The following ATP11C variants were observed in gnomAD, a reference collection of about 807,000 sequenced individuals.
ATP11C encodes phospholipid-transporting ATPase IG.
Under a neutral mutation model 97.4 loss-of-function variants are expected in ATP11C, and 36 were observed. That is an observed-to-expected ratio of 0.37 (90% confidence interval 0.28 to 0.49). The LOEUF is 0.49. Ranked by LOEUF, ATP11C falls within the 20% of genes least tolerant of loss-of-function variation. The pLI, the probability that ATP11C is intolerant of heterozygous loss-of-function variation, is 0.98. For missense variants in ATP11C, 730 were observed against 824.6 expected (o/e 0.89, Z 1.40); for synonymous variants, 275 against 290.9 (o/e 0.95, Z 0.56).
chrX:139,737,565 C>T (rs2081469135), intron 28 of ATP11C, among the ~76,000 whole-genome samples: 1 of 111,307 alleles, frequency 9.0e-6, no homozygotes, highest in Non-Finnish European at 1.9e-5. Context: ...AGGGAAATTT[C>T]TAAGTTTAAA....
intron 5 of ATP11C, among the ~76,000 whole-genome samples, chrX:139,806,604 G>A (rs769529880): frequency 2.0e-4 from 22 of 111,246 alleles, no homozygotes; most frequent in African/African-American, 6.2e-4. Flanking sequence ...GACTGGGTGT[G>A]AGCTAGTATG....
intron 4 of ATP11C, among the ~76,000 whole-genome samples, chrX:139,815,739 A>C (rs1284408600): frequency 9.0e-6 from 1 of 111,091 alleles, no homozygotes; most frequent in Non-Finnish European, 1.9e-5. Flanking sequence ...CGTTGTAAGA[A>C]TGTCTGTACC....
chrX:139,792,580 G>A (rs1249811672), intron 12 of ATP11C, among the ~76,000 whole-genome samples: 3 of 111,421 alleles, frequency 2.7e-5, no homozygotes, highest in Non-Finnish European at 5.7e-5. Flanking sequence ...CTATCTCCAG[G>A]TAGGCAGTAT....
At chrX:139,795,789 T>C (rs1244843829) in intron 12 of ATP11C, among the ~76,000 whole-genome samples, 3 of 111,732 alleles carry the variant, frequency 2.7e-5, no homozygotes, top group Non-Finnish European at 3.8e-5. Flanking sequence ...TTTCCCTTCA[T>C]TGAAATTCTT....
intron 15 of ATP11C, 21 bp from the exon 16 acceptor site, chrX:139,785,320 G>A: frequency 4.5e-6 from 5 of 1,108,292 alleles, no homozygotes; most frequent in Non-Finnish European, 6.2e-6. Flanking sequence ...AATGAGCAAA[G>A]TAAAAAACCT....
At chrX:139,907,191 A>G (rs911792290) in intron 1 of ATP11C, among the ~76,000 whole-genome samples, 1 of 111,313 alleles carries the variant, frequency 9.0e-6, no homozygotes, top group African/African-American at 3.3e-5. Flanking sequence ...GTCCTCCCAA[A>G]TCTGTTCTTC....
chrX:139,755,889 G>GAT (rs1454223888), intron 23 of ATP11C, among the ~76,000 whole-genome samples: 3 of 112,115 alleles, frequency 2.7e-5, no homozygotes, highest in African/African-American at 9.7e-5. Context: ...GATAACCTAG[G>GAT]ATATACCAGT....
chrX:139,743,597 T>G lies in ATP11C; in HGVS notation c.2992A>C (p.Ile998Leu). The change falls in exon 26 of 30, where the codon ATT becomes CTT. Residue 998 changes from isoleucine to leucine, a missense_variant. Transcript: ENST00000682941. Reference protein sequence around the residue: ...KVYGNWTFGTIVFTVLVFTVT... With the variant: ...KVYGNWTFGTLVFTVLVFTVT... ...GTGAATACTAAGACTGTAAAAACAA[T>G]GGTTCCAAAAGTCCAGTTTCCGTAT... 8.5e-7 allele frequency: 1 copy of G among 1,174,570 alleles called. No individual in the cohort carries two copies.
chrX:139,918,280 T>C (rs2085188336), intron 1 of ATP11C, among the ~76,000 whole-genome samples: 1 of 111,063 alleles, frequency 9.0e-6, no homozygotes, highest in Non-Finnish European at 1.9e-5. Context: ...ATAAACAAAA[T>C]ATATATATAC....
intron 1 of ATP11C, among the ~76,000 whole-genome samples, chrX:139,926,052 C>T (rs1466939596): frequency 2.7e-5 from 3 of 111,896 alleles, no homozygotes; most frequent in Non-Finnish European, 5.6e-5. Flanking sequence ...GCAGTGTTAA[C>T]ATATGCTGCA....
rs72160192 is a variant in ATP11C, at chrX:139,869,619, TAAAAAAAAAAA to T, written c.28-42807_28-42797del. On this transcript the variant is annotated intron_variant, in intron 1 of 29. Transcript: ENST00000682941. ...CAATGTGGCAAAACCCCCTCTCTACTAAAAAAAAAAAAAAAAAAAAAAAAATTAGCTGGGCA... is the reference window on the plus strand; with the variant it reads ...CAATGTGGCAAAACCCCCTCTCTACTAAAAAAAAAAAAAATTAGCTGGGCA... 7.4e-5 allele frequency among the ~76,000 whole-genome samples: 4 copies of T among 54,185 alleles called. No homozygotes were observed. The East Asian group carries it at 2.1e-3, about 28-fold the overall frequency. The allele number at this position is 54,185 out of a possible 115,157, so 47.1% of individuals were successfully genotyped here.
intron 1 of ATP11C, among the ~76,000 whole-genome samples, chrX:139,896,911 A>G (rs2084818886): frequency 9.0e-6 from 1 of 111,033 alleles, no homozygotes; most frequent in Admixed American, 9.7e-5. Context: ...CAAATGTACC[A>G]TTCTAATGTA....
In ATP11C at chrX:139,814,800, TACTAAATGAC is replaced by T. The variant is rs923328858; in HGVS notation, c.426+68_426+77del. On this transcript the variant is annotated intron_variant, in intron 5 of 29. Transcript: ENST00000682941. ...TTAACGGTTGCACAACATTATAAAG[TACTAAATGAC>T]ACTAAATTATACACTTTAAAATGGT... The T allele has an allele frequency of 1.3e-5, 7 of 552,699 alleles. No individual in the cohort carries two copies. In the African/African-American group the frequency reaches 1.7e-4, roughly 13 times the overall value. The allele number at this position is 552,699 out of a possible 1,213,427, so 45.5% of individuals were successfully genotyped here. A position where few individuals can be genotyped will look rare whatever the true frequency, so the allele number is the denominator to read the frequency against.
chrX:139,839,475 T>A (rs1222366857), intron 1 of ATP11C, among the ~76,000 whole-genome samples: 1 of 111,673 alleles, frequency 9.0e-6, no homozygotes, highest in Non-Finnish European at 1.9e-5. Flanking sequence ...CAACCAATAT[T>A]TATTGAGCTC....
chrX:139,796,836 T>A (rs2082807942), intron 11 of ATP11C, among the ~76,000 whole-genome samples: 1 of 111,800 alleles, frequency 8.9e-6, no homozygotes, highest in Non-Finnish European at 1.9e-5. Context: ...TACATTAAAA[T>A]GTCAAAGCAT....
intron 1 of ATP11C, among the ~76,000 whole-genome samples, chrX:139,861,156 A>T (rs2084185738): frequency 8.9e-6 from 1 of 112,067 alleles, no homozygotes; most frequent in African/African-American, 3.2e-5. Context: ...TAGACCAAGT[A>T]TCCCAAATTT....
At chrX:139,853,192 C>T (rs933020449) in intron 1 of ATP11C, among the ~76,000 whole-genome samples, 13 of 111,502 alleles carry the variant, frequency 1.2e-4, no homozygotes, top group Non-Finnish European at 2.4e-4. Flanking sequence ...TCCACTCCCG[C>T]CAGTCCCTCC....
intron 28 of ATP11C, among the ~76,000 whole-genome samples, chrX:139,737,462 A>G (rs1372179854): frequency 2.7e-5 from 3 of 110,807 alleles, no homozygotes; most frequent in Non-Finnish European, 5.7e-5. Context: ...GAAGCAACGC[A>G]GAGATTAAGC....
At chrX:139,927,728 A>C (rs776336731) in intron 1 of ATP11C, among the ~76,000 whole-genome samples, 2 of 108,723 alleles carry the variant, frequency 1.8e-5, no homozygotes, top group Non-Finnish European at 3.8e-5. Flanking sequence ...TTCCCATAAT[A>C]AATCTCAAAA....
Sources: gnomAD v4.1 joint callset for allele counts (sites outside exome capture counted in the v4.1 genomes callset) on GRCh38, gnomAD v4.1.1 for gene constraint, MANE v1.5 for transcripts, NCBI Gene and HGNC (gene_info 2026-07-23, HGNC 2026-07-21) for gene names.